SCN1A: variants seen among roughly 807,000 people sequenced by gnomAD.
The protein encoded by SCN1A is sodium voltage-gated channel alpha subunit 1.
In SCN1A, 13 loss-of-function variants were observed where a neutral mutation model predicts 193.7. The ratio of observed to expected loss-of-function variants is 0.07; its 90% CI spans 0.04 to 0.11. SCN1A has a LOEUF of 0.11. Among genes scored for constraint, SCN1A ranks in the 10% least tolerant of loss-of-function variants. The pLI, the probability that SCN1A is intolerant of heterozygous loss-of-function variation, is 1.00. For synonymous variants in SCN1A, 781 were observed against 843.6 expected, an observed-to-expected ratio of 0.93 and a Z score of 1.29; for missense variants, 1,432 against 2,451.1, an observed-to-expected ratio of 0.58 and a Z score of 8.78.
chr2:166,028,696 A>G (rs985243947), intron 19 of SCN1A, among the ~76,000 whole-genome samples: 12 of 152,194 alleles, frequency 7.9e-5, no homozygotes, highest in Non-Finnish European at 1.2e-4. Context: ...TTTCCATCAC[A>G]GTATTGTATT....
chr2:166,017,382 C>T (rs376847331), intron 19 of SCN1A, among the ~76,000 whole-genome samples: 2 of 151,924 alleles, frequency 1.3e-5, no homozygotes, highest in South Asian at 4.1e-4. Flanking sequence ...CTCTGACAAA[C>T]GAAGAGAATC....
intron 5 of SCN1A, 60 bp downstream of exon 5, chr2:166,058,510 C>A: frequency 1.1e-6 from 1 of 920,576 alleles, no homozygotes; most frequent in Non-Finnish European, 1.8e-6. Flanking sequence ...TGATATTTAG[C>A]TATAAAGTGC....
intron 19 of SCN1A, 46 bp downstream of exon 19, chr2:166,035,994 GTATATGTA>G (rs757507496): frequency 5.2e-6 from 8 of 1,539,066 alleles, no homozygotes; most frequent in Non-Finnish European, 6.3e-6. Flanking sequence ...CTGTATGTGT[GTATATGTA>G]TATATGTATA....
intron 21 of SCN1A, among the ~76,000 whole-genome samples, chr2:166,013,014 C>T (rs1207281346): frequency 6.6e-6 from 1 of 151,252 alleles, no homozygotes; most frequent in Non-Finnish European, 1.5e-5. Context: ...ACTTGTAACA[C>T]ACTTGCATTT....
In SCN1A at chr2:166,007,900, A is replaced by G. The variant is rs147293678; in HGVS notation, c.4002+1819T>C. Reference sequence around the variant, plus strand: ...CAACCTCACCATCATTCATGATTATATTTTTACAAAATAAAATATCCAAAC... The same window carrying G: ...CAACCTCACCATCATTCATGATTATGTTTTTACAAAATAAAATATCCAAAC... On this transcript the variant is annotated intron_variant, in intron 23 of 28. Coordinates refer to ENST00000674923, the MANE Select transcript of SCN1A (RefSeq NM_001165963.4). Among the ~76,000 whole-genome samples the G allele has an allele frequency of 1.8e-3, 272 of 151,416 alleles. 1 individual carries two copies. The highest frequency in any genetic ancestry group is 6.4e-3 in the African/African-American group (266 of 41,464).
At chr2:166,009,489 A>G (rs1432238554) in intron 23 of SCN1A, 19 of 310,792 alleles carry the variant, frequency 6.1e-5, no homozygotes, top group Non-Finnish European at 1.0e-4. Flanking sequence ...GGATTAGGAA[A>G]TAAAGTCATT....
chr2:166,002,772 A>C lies in SCN1A; in HGVS notation c.4003-19T>G. On this transcript the variant is annotated intron_variant, in intron 23 of 28. Coordinates refer to ENST00000674923, the MANE Select transcript of SCN1A (RefSeq NM_001165963.4). ...CAACCACCTAATACACAAATGGAAA[A>C]AAAGAAAAGTCAGAATTCTTATCTG... is the stretch of plus-strand genomic sequence containing the variant. 1 of 1,594,564 alleles carries C rather than the reference A, an allele frequency of 6.3e-7. No individual in the cohort carries two copies. Among genetic ancestry groups the C allele is most frequent in the Non-Finnish European group, 8.5e-7 (1 of 1,172,922 alleles).
chr2:166,009,836 T>A lies in SCN1A; in HGVS notation c.3885A>T (p.Ser1295=). 2 of 1,606,266 alleles carry A rather than the reference T, an allele frequency of 1.2e-6. No homozygotes were observed. Among genetic ancestry groups the A allele is most frequent in the Non-Finnish European group, 1.7e-6 (2 of 1,174,464 alleles). The change falls in exon 23 of 29, where the codon TCA becomes TCT. Residue 1295 remains serine (S), a synonymous_variant. Transcript: ENST00000674923. ...CWLDFLIVDV[S]LVSLTANALG... ...AGGCATTTGCTGTTAAACTGACCAA[T>A]GAAACCTGCACACACAAAAATAATA...
At position 165,988,460 on chromosome 2, in the gene SCN1A, C is replaced by T. The variant is rs1688742454; in HGVS notation, c.*2785G>A. 6.6e-6 allele frequency: 1 copy of T among 152,204 alleles called. No individual in the cohort carries two copies. Among genetic ancestry groups the T allele is most frequent in the South Asian group, 2.1e-4 (1 of 4,826 alleles). 9.4% of individuals were successfully genotyped at this position (152,204 alleles called of 1,614,324 possible). ...AAGCACTCTCAATGCAGCAGCAGAC[C>T]TGAAGGAGCAAGGGGAGGAGTGATT... On this transcript the variant is annotated 3_prime_UTR_variant, in exon 29 of 29. Transcript: ENST00000674923.
chr2:166,026,260 A>T (rs1694747592), intron 19 of SCN1A, among the ~76,000 whole-genome samples: 1 of 152,140 alleles, frequency 6.6e-6, no homozygotes, highest in African/African-American at 2.4e-5. Flanking sequence ...ACCATAGGCT[A>T]AAAAAGTTGT....
chr2:166,080,069 A>G (rs150239911), intron 2 of SCN1A, among the ~76,000 whole-genome samples: 356 of 151,772 alleles, frequency 2.3e-3, no homozygotes, highest in African/African-American at 8.2e-3. Context: ...GTTCTAAATT[A>G]CATTTGAAAT....
chr2:166,136,430 A>G (rs1389807527), intron 1 of SCN1A, among the ~76,000 whole-genome samples: 2 of 151,738 alleles, frequency 1.3e-5, no homozygotes, highest in Admixed American at 1.3e-4. Context: ...ATGCATATAT[A>G]TATATGTTAT....
rs867603039 is a variant in SCN1A, at chr2:166,141,444, C to T, written c.-50+7603G>A. On this transcript the variant is annotated intron_variant, in intron 1 of 26. Transcript: ENST00000635750. ...TGGTGTTTCACACTTGTAATCCCAA[C>T]AATTTGGGAGGCTGAGGTGGGAGGA... 4.6e-5 allele frequency among the ~76,000 whole-genome samples: 7 copies of T among 152,164 alleles called. No individual in the cohort carries two copies. The South Asian group carries it at 1.0e-3, about 23-fold the overall frequency.
chr2:166,058,790 A>G (rs868070801), intron 4 of SCN1A, 102 bp from the exon 5 acceptor site: 4 of 743,278 alleles, frequency 5.4e-6, no homozygotes, highest in Middle Eastern at 5.2e-4. Flanking sequence ...GTAAAGTTAA[A>G]TGAGAAACCA....
intron 2 of SCN1A, among the ~76,000 whole-genome samples, chr2:166,098,349 A>G (rs1687629581): frequency 6.6e-6 from 1 of 152,102 alleles, no homozygotes; most frequent in South Asian, 2.1e-4. Context: ...CCCTCAACAA[A>G]TTAGGCCAAA....
rs1460950276 is a variant in SCN1A at position 166,137,056 on chromosome 2, C to G, written c.-50+11991G>C. On this transcript the variant is annotated intron_variant, in intron 1 of 26. Coordinates refer to the SCN1A transcript ENST00000635750. Reference sequence around the variant, plus strand: ...TTTAATACTCCCAACACTCTCTTCCCTGGTCTGCATTCCTTGGAGTCCAGT... The same window carrying G: ...TTTAATACTCCCAACACTCTCTTCCGTGGTCTGCATTCCTTGGAGTCCAGT... 2.0e-5 allele frequency among the ~76,000 whole-genome samples: 3 copies of G among 152,290 alleles called. No homozygotes were observed. The East Asian group carries it at 5.8e-4, about 29-fold the overall frequency.
rs75357579 is a variant in SCN1A at position 166,072,459 on chromosome 2, T to C, written c.264+899A>G. Among the ~76,000 whole-genome samples, 1,035 of 152,296 alleles carry C rather than the reference T, an allele frequency of 6.8e-3. 10 individuals are homozygous for C. Among genetic ancestry groups the C allele is most frequent in the East Asian group, 0.052 (269 of 5,184 alleles). On this transcript the variant is annotated intron_variant, in intron 4 of 28. Transcript: ENST00000674923. ...TAGGTTCTTCAGGTTATGACATTTT[T>C]GTTAATTCTTGCCAATATTAGTACA...
At chr2:166,075,922 G>A (rs1684942869) in intron 3 of SCN1A, among the ~76,000 whole-genome samples, 1 of 151,760 alleles carries the variant, frequency 6.6e-6, no homozygotes, top group African/African-American at 2.4e-5. Context: ...GAGAAAAGTG[G>A]AATATATTTT....
Position 166,013,872 on chromosome 2 carries a change from GACA to G in SCN1A, c.3574_3576del (p.Cys1192del). The G allele has an allele frequency of 6.2e-7, 1 of 1,611,942 alleles. No individual in the cohort carries two copies. Among genetic ancestry groups the G allele is most frequent in the Non-Finnish European group, 8.5e-7 (1 of 1,178,534 alleles). On this transcript the variant is annotated inframe_deletion, in exon 21 of 29. Coordinates refer to ENST00000674923, the MANE Select transcript of SCN1A (RefSeq NM_001165963.4). ...CCTCTGCCTTCTTCCACATTGATTTGACAACACTTGAATCTTTGTACACAGCCT... is the reference window on the plus strand; with the variant it reads ...CCTCTGCCTTCTTCCACATTGATTTGACACTTGAATCTTTGTACACAGCCT...
Sources: gnomAD v4.1 joint callset for allele counts (sites outside exome capture counted in the v4.1 genomes callset) on GRCh38, gnomAD v4.1.1 for gene constraint, MANE v1.5 for transcripts, NCBI Gene and HGNC (gene_info 2026-07-23, HGNC 2026-07-21) for gene names.